FILIP1L: variants seen among roughly 807,000 people sequenced by gnomAD.
FILIP1L encodes the protein filamin A-interacting protein 1-like.
FILIP1L carries 55 observed loss-of-function variants against 96.6 expected under a neutral mutation model. That is an observed-to-expected ratio of 0.57 (90% CI 0.46 to 0.71). The LOEUF (loss-of-function observed/expected upper bound fraction) is 0.71. FILIP1L is among the 30% of genes least tolerant of loss of function. The pLI is 0.00. For synonymous variants in FILIP1L, 467 were observed against 473.9 expected (o/e 0.99, Z 0.19); for missense variants, 1,304 against 1,321.2 (o/e 0.99, Z 0.20).
rs1254121664 is a variant in FILIP1L, at chr3:99,829,535, A to T, written c.*879T>A. Among the ~76,000 whole-genome samples, 1 of 152,242 alleles carries T rather than the reference A, an allele frequency of 6.6e-6. No individual in the cohort carries two copies. Among genetic ancestry groups the T allele is most frequent in the Non-Finnish European group, 1.5e-5 (1 of 68,040 alleles). ...GAATTATTTCACTTTCCTGTTTTAC[A>T]TGTGGAAACTCAAGGCTTAGATTGA... On this transcript the variant is annotated 3_prime_UTR_variant, in exon 6 of 6. Coordinates refer to ENST00000477258, the MANE Select transcript of FILIP1L (RefSeq NM_001387850.1).
chr3:100,053,245 G>T (rs1227286338), intron 1 of FILIP1L, among the ~76,000 whole-genome samples: 1 of 152,120 alleles, frequency 6.6e-6, no homozygotes, highest in Non-Finnish European at 1.5e-5. Flanking sequence ...CACAAATTGG[G>T]TGATTTATAA....
At chr3:99,893,062 T>A (rs1206261607) in intron 4 of FILIP1L, among the ~76,000 whole-genome samples, 1 of 152,120 alleles carries the variant, frequency 6.6e-6, no homozygotes, top group Admixed American at 6.5e-5. Flanking sequence ...TCTGTGTGTC[T>A]GTTCTCTCAA....
intron 1 of FILIP1L, among the ~76,000 whole-genome samples, chr3:99,941,053 ACTT>A (rs1559697244): frequency 6.6e-6 from 1 of 152,180 alleles, no homozygotes; most frequent in African/African-American, 2.4e-5. Context: ...AAGTTTAATA[ACTT>A]CTTGCCTCTG....
intron 4 of FILIP1L, among the ~76,000 whole-genome samples, chr3:99,921,266 C>G (rs1260148934): frequency 6.6e-6 from 1 of 152,162 alleles, no homozygotes; most frequent in Admixed American, 6.5e-5. Context: ...TGTGTAAGCA[C>G]CTCCTCTGAG....
At chr3:99,940,674 G>A (rs79834605) in intron 1 of FILIP1L, among the ~76,000 whole-genome samples, 3,814 of 152,262 alleles carry the variant, frequency 0.025, 89 homozygotes, top group East Asian at 0.13. Flanking sequence ...AGATAAAAAT[G>A]CACCTTTCAG....
At chr3:99,842,636 AATAAG>A (rs1269069980) in intron 5 of FILIP1L, among the ~76,000 whole-genome samples, 11 of 152,338 alleles carry the variant, frequency 7.2e-5, no homozygotes, top group African/African-American at 1.9e-4. Context: ...TGCCTCAAAT[AATAAG>A]ATAAGTTTTA....
intron 1 of FILIP1L, among the ~76,000 whole-genome samples, chr3:99,957,808 AC>A: frequency 6.8e-6 from 1 of 147,692 alleles, no homozygotes; most frequent in Non-Finnish European, 1.5e-5. Flanking sequence ...GCTTTTTCAC[AC>A]ATAGCTTGTT....
chr3:99,967,397 GA>G (rs1170956696), intron 1 of FILIP1L, among the ~76,000 whole-genome samples: 1 of 152,216 alleles, frequency 6.6e-6, no homozygotes, highest in African/African-American at 2.4e-5. Context: ...AGAGTAAATA[GA>G]AGTGTTCACT....
rs529264147 is a variant in FILIP1L at position 99,938,581 on chromosome 3, A to G, written c.-10-7551T>C. 5.9e-5 allele frequency among the ~76,000 whole-genome samples: 9 copies of G among 152,318 alleles called. No individual in the cohort carries two copies. The South Asian group carries it at 1.5e-3, about 25-fold the overall frequency. ...TACATTTGCACTTGCATTTCCCCCT[A>G]TCTTTACACAGAACCTTTAAGCTAA... On this transcript the variant is annotated intron_variant, in intron 1 of 5. Transcript: ENST00000477258.
rs79931054 is a variant in FILIP1L at position 100,105,100 on chromosome 3, G to A, written c.-11+8953C>T. On this transcript the variant is annotated intron_variant, in intron 1 of 5. Coordinates refer to ENST00000477258, the MANE Select transcript of FILIP1L (RefSeq NM_001387850.1). ...TGTTCTCTTAGCCTAGTCTTGGAAA[G>A]GGTGTTCACAAGTAAGCATTGTTTA... is the stretch of plus-strand genomic sequence containing the variant. Among the ~76,000 whole-genome samples the A allele has an allele frequency of 6.2e-3, 937 of 152,248 alleles. 6 individuals are homozygous for A. The highest frequency in any genetic ancestry group is 0.018 in the African/African-American group (742 of 41,556).
At chr3:100,027,405 C>CA (rs1274585115) in intron 1 of FILIP1L, among the ~76,000 whole-genome samples, 1 of 152,120 alleles carries the variant, frequency 6.6e-6, no homozygotes, top group African/African-American at 2.4e-5. Flanking sequence ...TAAAACTCTT[C>CA]AATAGGCCAA....
At chr3:99,949,749 G>A (rs774170508) in intron 1 of FILIP1L, among the ~76,000 whole-genome samples, 19 of 152,168 alleles carry the variant, frequency 1.2e-4, no homozygotes, top group Non-Finnish European at 2.6e-4. Context: ...TAGCCATTAT[G>A]TATCTAAAGT....
chr3:99,856,480 T>C (rs1943972528), intron 4 of FILIP1L, among the ~76,000 whole-genome samples: 1 of 152,146 alleles, frequency 6.6e-6, no homozygotes, highest in Non-Finnish European at 1.5e-5. Flanking sequence ...ATTCAGTGAA[T>C]CCGCTCCAAT....
At chr3:100,046,079 G>A (rs2065274175) in intron 1 of FILIP1L, among the ~76,000 whole-genome samples, 1 of 152,194 alleles carries the variant, frequency 6.6e-6, no homozygotes, top group Admixed American at 6.5e-5. Flanking sequence ...AGAATAGTGA[G>A]GAATTGTAAC....
At chr3:99,881,784 C>T (rs769068630) in intron 4 of FILIP1L, among the ~76,000 whole-genome samples, 3 of 152,132 alleles carry the variant, frequency 2.0e-5, no homozygotes, top group Non-Finnish European at 4.4e-5. Context: ...CTGCCCGCCT[C>T]GGCCTTCCAA....
intron 1 of FILIP1L, among the ~76,000 whole-genome samples, chr3:100,019,512 A>T (rs2064767726): frequency 6.6e-6 from 1 of 152,198 alleles, no homozygotes; most frequent in Non-Finnish European, 1.5e-5. Flanking sequence ...TTAATTTCTA[A>T]AAAGATTTTT....
At chr3:100,044,535 G>A (rs2065250926) in intron 1 of FILIP1L, among the ~76,000 whole-genome samples, 1 of 152,112 alleles carries the variant, frequency 6.6e-6, no homozygotes, top group Non-Finnish European at 1.5e-5. Context: ...TGAGACAAAA[G>A]AGGAACTGAA....
chr3:99,879,629 C>A (rs1299283429), intron 4 of FILIP1L, among the ~76,000 whole-genome samples: 1 of 152,108 alleles, frequency 6.6e-6, no homozygotes, highest in Admixed American at 6.5e-5. Context: ...TGCAGCTACC[C>A]AAAATTTTCA....
At chr3:100,081,172 A>G (rs1384419092) in intron 1 of FILIP1L, among the ~76,000 whole-genome samples, 1 of 152,146 alleles carries the variant, frequency 6.6e-6, no homozygotes, top group Non-Finnish European at 1.5e-5. Flanking sequence ...ATGGTTCATA[A>G]TCCTCTCTCA....
Sources: allele counts gnomAD v4.1 joint callset (sites outside exome capture counted in the v4.1 genomes callset), GRCh38; gene constraint gnomAD v4.1.1; transcripts MANE v1.5; gene names NCBI Gene and HGNC (gene_info 2026-07-23, HGNC 2026-07-21).